Variants in VIPR2 observed in about 807,000 individuals in gnomAD.
VIPR2 encodes the protein vasoactive intestinal polypeptide receptor 2.
A neutral mutation model predicts 58.0 loss-of-function variants in VIPR2; 48 were observed. That is an observed-to-expected ratio of 0.83 (90% CI 0.66 to 1.05). The LOEUF (loss-of-function observed/expected upper bound fraction) is 1.05, where lower values mean the gene tolerates loss of function less well. Ranked by LOEUF, VIPR2 falls within the 50% of genes least tolerant of loss-of-function variation. VIPR2 has a pLI of 0.00. For missense variants in VIPR2, 534 were observed against 558.0 expected, an observed-to-expected ratio of 0.96 and a Z score of 0.43; for synonymous variants, 243 against 235.2, an observed-to-expected ratio of 1.03 and a Z score of -0.30.
chr7:159,073,111 A>G (rs1856486679), intron 4 of VIPR2, among the ~76,000 whole-genome samples: 1 of 152,260 alleles, frequency 6.6e-6, no homozygotes. Flanking sequence ...ACATAGTAAC[A>G]AATAAAGAAA....
At chr7:159,049,537 G>A (rs564129042) in intron 5 of VIPR2, among the ~76,000 whole-genome samples, 7 of 152,216 alleles carry the variant, frequency 4.6e-5, no homozygotes, top group Admixed American at 1.3e-4. Context: ...AGCCTCACCC[G>A]CCACAGCAGA....
At chr7:159,101,550 TG>T (rs1858241378) in intron 4 of VIPR2, among the ~76,000 whole-genome samples, 3 of 55,098 alleles carry the variant, frequency 5.4e-5, no homozygotes, top group Non-Finnish European at 1.0e-4. Flanking sequence ...GCGGTTCCCC[TG>T]ACTGTTCCTG....
intron 9 of VIPR2, 99 bp from the exon 10 acceptor site, chr7:159,034,403 C>T: frequency 1.5e-6 from 2 of 1,357,368 alleles, no homozygotes; most frequent in Non-Finnish European, 2.1e-6. Flanking sequence ...CCCTCAGTCC[C>T]TCCCTCCTTC....
intron 2 of VIPR2, among the ~76,000 whole-genome samples, chr7:159,131,747 A>G (rs966415925): frequency 5.3e-5 from 8 of 152,242 alleles, no homozygotes; most frequent in Non-Finnish European, 1.2e-4. Context: ...GGTTATCACC[A>G]GAGGTGGCTT....
chr7:159,124,200 C>A (rs2129497021), intron 2 of VIPR2, among the ~76,000 whole-genome samples: 1 of 152,206 alleles, frequency 6.6e-6, no homozygotes, highest in East Asian at 1.9e-4. Flanking sequence ...CTTTTGGTGT[C>A]TTTGTTATGA....
intron 4 of VIPR2, among the ~76,000 whole-genome samples, chr7:159,068,125 T>G (rs1289119413): frequency 6.6e-6 from 1 of 152,144 alleles, no homozygotes; most frequent in African/African-American, 2.4e-5. Flanking sequence ...ATCAAGCACG[T>G]CCTAGAACCT....
At chr7:159,079,825 AATACT>A (rs1349736521) in intron 4 of VIPR2, among the ~76,000 whole-genome samples, 4 of 152,268 alleles carry the variant, frequency 2.6e-5, no homozygotes, top group African/African-American at 9.6e-5. Context: ...ACCATCAGAG[AATACT>A]ATAAACACCG....
At chr7:159,068,689 C>T (rs1189591857) in intron 4 of VIPR2, among the ~76,000 whole-genome samples, 4 of 152,178 alleles carry the variant, frequency 2.6e-5, no homozygotes, top group African/African-American at 9.7e-5. Flanking sequence ...TTCTGGACGG[C>T]GGGTGCAACA....
chr7:159,122,454 C>T (rs770774683), intron 2 of VIPR2, among the ~76,000 whole-genome samples: 1 of 152,210 alleles, frequency 6.6e-6, no homozygotes, highest in Non-Finnish European at 1.5e-5. Flanking sequence ...TTCTGCGGAG[C>T]TCACCTGGTC....
In VIPR2 at chr7:159,036,918, AGAG is replaced by A; in HGVS notation, c.598-19_598-17del. On this transcript the variant is annotated splice_polypyrimidine_tract_variant and intron_variant, in intron 6 of 12. Transcript: ENST00000262178. ...TGCAGCCCACCTGGAAACCGCAAAC[AGAG>A]GAGAGGAAAGCATGACCTCATCCGG... 1.2e-6 allele frequency: 2 copies of A among 1,608,038 alleles called. No homozygotes were observed. Among genetic ancestry groups the A allele is most frequent in the Non-Finnish European group, 1.7e-6 (2 of 1,175,822 alleles).
intron 5 of VIPR2, among the ~76,000 whole-genome samples, chr7:159,055,874 G>C (rs138758380): frequency 6.6e-6 from 1 of 152,328 alleles, no homozygotes; most frequent in East Asian, 1.9e-4. Context: ...TCCACGTATG[G>C]ATCTGCCAAT....
chr7:159,054,464 A>C (rs771412760), intron 5 of VIPR2, among the ~76,000 whole-genome samples: 1 of 152,238 alleles, frequency 6.6e-6, no homozygotes, highest in Non-Finnish European at 1.5e-5. Flanking sequence ...GAAGACTCCT[A>C]AACATTGACT....
At chr7:159,139,601 G>GT (rs1157207410) in intron 2 of VIPR2, among the ~76,000 whole-genome samples, 1 of 152,196 alleles carries the variant, frequency 6.6e-6, no homozygotes, top group African/African-American at 2.4e-5. Flanking sequence ...TCAAAGAAAA[G>GT]TTAGTTTTTA....
chr7:159,052,491 T>G (rs1855068097), intron 5 of VIPR2, among the ~76,000 whole-genome samples: 1 of 152,190 alleles, frequency 6.6e-6, no homozygotes, highest in Admixed American at 6.5e-5. Flanking sequence ...AAAGAAGATA[T>G]AACATCTTAT....
chr7:159,116,183 T>C (rs995150196), intron 2 of VIPR2, among the ~76,000 whole-genome samples: 2 of 152,140 alleles, frequency 1.3e-5, no homozygotes, highest in East Asian at 1.9e-4. Context: ...ACCTGCTGAA[T>C]GTAGGAAAGG....
At position 159,065,736 on chromosome 7, in the gene VIPR2, G is replaced by C. The variant is rs143390471; in HGVS notation, c.358-7158C>G. On this transcript the variant is annotated intron_variant, in intron 4 of 12. Transcript: ENST00000262178. ...GACATCAGGGACACAGTTATTGAAA[G>C]TGCTTTGCTCCTCCGGTCTCAGAAA... 3.7e-3 allele frequency among the ~76,000 whole-genome samples: 558 copies of C among 152,326 alleles called. 3 individuals carry two copies. The highest frequency in any genetic ancestry group is 0.013 in the African/African-American group (521 of 41,574).
chr7:159,054,427 G>T (rs561166313), intron 5 of VIPR2, among the ~76,000 whole-genome samples: 1 of 152,116 alleles, frequency 6.6e-6, no homozygotes, highest in African/African-American at 2.4e-5. Context: ...GACAAAATCC[G>T]TAATACTCGT....
intron 2 of VIPR2, among the ~76,000 whole-genome samples, chr7:159,133,597 C>T (rs1797078400): frequency 6.6e-6 from 1 of 152,258 alleles, no homozygotes; most frequent in South Asian, 2.1e-4. Flanking sequence ...TATTATCGTT[C>T]CTGGCACAGG....
intron 1 of VIPR2, chr7:159,144,173 G>T (rs996105903): frequency 9.1e-6 from 8 of 883,382 alleles, no homozygotes; most frequent in African/African-American, 8.7e-5. Flanking sequence ...AACTCCATGT[G>T]CGAAGGCACT....
Sources: gnomAD v4.1 joint callset for allele counts (sites outside exome capture counted in the v4.1 genomes callset) on GRCh38, gnomAD v4.1.1 for gene constraint, MANE v1.5 for transcripts, NCBI Gene and HGNC (gene_info 2026-07-23, HGNC 2026-07-21) for gene names.